The following PPHLN1 variants were observed in gnomAD, a reference collection of about 807,000 sequenced individuals.
PPHLN1 encodes the protein periphilin-1.
Under a neutral mutation model 51.3 loss-of-function variants are expected in PPHLN1, and 29 were observed. That is an observed-to-expected ratio of 0.57 (90% CI 0.42 to 0.77). PPHLN1 has a LOEUF of 0.77. Ranked by LOEUF, PPHLN1 falls within the 30% of genes least tolerant of loss-of-function variation. The pLI is 0.00. For synonymous variants in PPHLN1, 147 were observed against 147.8 expected (o/e 0.99, Z 0.04); for missense variants, 436 against 438.4 (o/e 0.99, Z 0.05).
At chr12:42,431,025 A>T (rs1266515520) in intron 9 of PPHLN1, among the ~76,000 whole-genome samples, 1 of 152,246 alleles carries the variant, frequency 6.6e-6, no homozygotes. Context: ...TTTTAACTAA[A>T]GCTATGTTTT....
chr12:42,406,147 GT>G (rs1173654795), intron 9 of PPHLN1, among the ~76,000 whole-genome samples: 1 of 149,952 alleles, frequency 6.7e-6, no homozygotes, highest in Non-Finnish European at 1.5e-5. Flanking sequence ...GCAGTGGTGC[GT>G]TCTTGGCTCA....
At chr12:42,342,395 C>G (rs2071643998) in intron 2 of PPHLN1, among the ~76,000 whole-genome samples, 1 of 152,224 alleles carries the variant, frequency 6.6e-6, no homozygotes, top group African/African-American at 2.4e-5. Flanking sequence ...GTTGGGATTA[C>G]AGGCATGAGG....
At chr12:42,362,232 G>A (rs1835348084) in intron 4 of PPHLN1, among the ~76,000 whole-genome samples, 1 of 151,294 alleles carries the variant, frequency 6.6e-6, no homozygotes, top group South Asian at 2.1e-4. Context: ...TTTTTAACTG[G>A]GTTTTTTGTC....
chr12:42,409,127 C>T (rs1269347713), intron 9 of PPHLN1, among the ~76,000 whole-genome samples: 4 of 152,034 alleles, frequency 2.6e-5, no homozygotes, highest in Non-Finnish European at 4.4e-5. Context: ...ACTATAATCA[C>T]CTATTTTTGG....
At position 42,360,110 on chromosome 12, in the gene PPHLN1, C is replaced by CAAAA. The variant is rs10643805; in HGVS notation, c.299+4898_299+4901dup. On this transcript the variant is annotated intron_variant, in intron 4 of 9. Transcript: ENST00000358314. Reference sequence around the variant, plus strand: ...TGGGTGACAGAGCAAGACTCCATCTCAAAAAAAAAAAAAGAAAAATTGCAA... The same window carrying CAAAA: ...TGGGTGACAGAGCAAGACTCCATCTCAAAAAAAAAAAAAAAAAGAAAAATTGCAA... 1.5e-3 allele frequency among the ~76,000 whole-genome samples: 185 copies of CAAAA among 123,128 alleles called. 3 individuals carry two copies. Among genetic ancestry groups the CAAAA allele is most frequent in the African/African-American group, 4.8e-3 (146 of 30,136 alleles). 80.8% of individuals were successfully genotyped at this position (123,128 alleles called of 152,430 possible). A position where few individuals can be genotyped will look rare whatever the true frequency, so the allele number is the denominator to read the frequency against.
At chr12:42,327,716 C>G (rs1471386260) in intron 1 of PPHLN1, among the ~76,000 whole-genome samples, 3 of 152,222 alleles carry the variant, frequency 2.0e-5, no homozygotes. Flanking sequence ...CGGTGAGGGA[C>G]TGTGTTTGTC....
In PPHLN1 at chr12:42,409,709, T is replaced by G. The variant is rs567524952; in HGVS notation, c.909+10715T>G. 2.0e-5 allele frequency among the ~76,000 whole-genome samples: 3 copies of G among 152,212 alleles called. No homozygotes were observed. In the South Asian group the frequency reaches 6.2e-4, roughly 32 times the overall value. ...GCTTTAAGGTTTTTTTTTCTGAACA[T>G]TGTCCTGAACGTATCCACTCCATTG... On this transcript the variant is annotated intron_variant, in intron 9 of 9. Transcript: ENST00000358314.
In PPHLN1 at chr12:42,441,751, C is replaced by T. The variant is rs2082985100; in HGVS notation, c.*242C>T. ...GCCAGGCTAGTCTCTAACTCCTGGC[C>T]TCAAGTGATCTGCCTGCCTCAGCCT... On this transcript the variant is annotated 3_prime_UTR_variant, in exon 10 of 10. Coordinates refer to ENST00000358314, the MANE Select transcript of PPHLN1 (RefSeq NM_201439.2). 4 of 1,137,156 alleles carry T rather than the reference C, an allele frequency of 3.5e-6. No homozygotes were observed. In the South Asian group the frequency reaches 9.9e-5, roughly 28 times the overall value. 70.4% of individuals were successfully genotyped at this position (1,137,156 alleles called of 1,614,324 possible). A position where few individuals can be genotyped will look rare whatever the true frequency, so the allele number is the denominator to read the frequency against.
chr12:42,371,111 G>GTT (rs59324305), intron 4 of PPHLN1, among the ~76,000 whole-genome samples: 2 of 64,694 alleles, frequency 3.1e-5, no homozygotes, highest in African/African-American at 1.3e-4. Flanking sequence ...CCAGCCTGGT[G>GTT]TTTTTTTTTT....
chr12:42,398,922 A>G lies in PPHLN1; in HGVS notation c.837A>G (p.Ile279Met). The G allele has an allele frequency of 6.2e-7, 1 of 1,614,166 alleles. No homozygotes were observed. Among genetic ancestry groups the G allele is most frequent in the South Asian group, 1.1e-5 (1 of 91,082 alleles). ...CTGAGTCAAACACAACACATGGGAT[A>G]GAATTATTTGAAGATAGTCAGCTAA... is the stretch of plus-strand genomic sequence containing the variant. The part of the protein sequence containing the change: ...EEPESNTTHG[I>M]ELFEDSQLTT... Residue 279 changes from isoleucine to methionine, a missense_variant, in exon 9 of 10, where the codon ATA becomes ATG. Coordinates refer to ENST00000358314, the MANE Select transcript of PPHLN1 (RefSeq NM_201439.2).
At chr12:42,353,909 G>A (rs538851238) in intron 3 of PPHLN1, among the ~76,000 whole-genome samples, 6 of 152,036 alleles carry the variant, frequency 3.9e-5, no homozygotes, top group Admixed American at 2.0e-4. Flanking sequence ...TTATACTTTT[G>A]TGTGTATAAC....
intron 9 of PPHLN1, among the ~76,000 whole-genome samples, chr12:42,429,005 C>T (rs74078951): frequency 0.028 from 4,291 of 151,894 alleles, 220 homozygotes; most frequent in African/African-American, 0.098. Context: ...TTCTCAGACA[C>T]GACAATATCA....
In PPHLN1 at chr12:42,431,851, A is replaced by G. The variant is rs554427387; in HGVS notation, c.910-9464A>G. 5.8e-5 allele frequency: 91 copies of G among 1,572,546 alleles called. No individual in the cohort carries two copies. In the African/African-American group the frequency reaches 8.5e-4, roughly 15 times the overall value. On this transcript the variant is annotated intron_variant, in intron 9 of 9. Transcript: ENST00000358314. ...ACATATTTTGCCTAGCCCATTTTCAATAACTGAAGCTGTATCAGATTCAGT... is the reference window on the plus strand; with the variant it reads ...ACATATTTTGCCTAGCCCATTTTCAGTAACTGAAGCTGTATCAGATTCAGT...
chr12:42,446,550 T>C (rs368672935), downstream of PPHLN1: 3 of 1,606,532 alleles, frequency 1.9e-6, no homozygotes, highest in Non-Finnish European at 2.6e-6. Context: ...AGAATATTAC[T>C]AATTATACTC....
intron 9 of PPHLN1, chr12:42,431,900 C>A (rs2082067125): frequency 1.3e-6 from 2 of 1,595,498 alleles, no homozygotes; most frequent in African/African-American, 2.7e-5. Flanking sequence ...AGAACAGCAT[C>A]TTCATCAGTC....
At position 42,360,116 on chromosome 12, in the gene PPHLN1, A is replaced by AAAAT. The variant is rs913377561; in HGVS notation, c.299+4897_299+4898insTAAA. On this transcript the variant is annotated intron_variant, in intron 4 of 9. Transcript: ENST00000358314. ...ACAGAGCAAGACTCCATCTCAAAAAAAAAAAAAGAAAAATTGCAAGAATAA... is the reference window on the plus strand; with the variant it reads ...ACAGAGCAAGACTCCATCTCAAAAAAAAATAAAAAAAGAAAAATTGCAAGAATAA... Among the ~76,000 whole-genome samples the AAAAT allele has an allele frequency of 3.7e-4, 56 of 151,380 alleles. 1 individual carries two copies. Among genetic ancestry groups the AAAAT allele is most frequent in the African/African-American group, 1.3e-3 (53 of 41,220 alleles).
chr12:42,438,515 C>A (rs915983079), intron 9 of PPHLN1, among the ~76,000 whole-genome samples: 2 of 152,154 alleles, frequency 1.3e-5, no homozygotes, highest in African/African-American at 4.8e-5. Flanking sequence ...TGTTCATTTG[C>A]CATCTGAATG....
At chr12:42,437,915 C>T (rs1402015706) in intron 9 of PPHLN1, among the ~76,000 whole-genome samples, 6 of 152,052 alleles carry the variant, frequency 3.9e-5, no homozygotes, top group Admixed American at 2.0e-4. Context: ...TTTTTAATAA[C>T]CAGAATGTCA....
At chr12:42,409,277 T>C (rs1229675004) in intron 9 of PPHLN1, among the ~76,000 whole-genome samples, 2 of 152,154 alleles carry the variant, frequency 1.3e-5, no homozygotes, top group African/African-American at 4.8e-5. Flanking sequence ...CCTGTCACTT[T>C]TATCTAGTGA....
Sources: allele counts gnomAD v4.1 joint callset (sites outside exome capture counted in the v4.1 genomes callset), GRCh38; gene constraint gnomAD v4.1.1; transcripts MANE v1.5; gene names NCBI Gene and HGNC (gene_info 2026-07-23, HGNC 2026-07-21).